CNTNAP2: variants seen among roughly 807,000 people sequenced by gnomAD.
CNTNAP2 encodes the protein contactin associated protein 2.
A neutral mutation model predicts 155.2 loss-of-function variants in CNTNAP2; 98 were observed. The observed-to-expected ratio is 0.63, with a 90% CI of 0.54 to 0.75. The LOEUF is 0.75. Ranked by LOEUF, CNTNAP2 falls within the 30% of genes least tolerant of loss-of-function variation. CNTNAP2 has a pLI of 0.00. For synonymous variants in CNTNAP2, 651 were observed against 631.2 expected, an observed-to-expected ratio of 1.03 and a Z score of -0.47; for missense variants, 1,727 against 1,688.1, an observed-to-expected ratio of 1.02 and a Z score of -0.40.
intron 13 of CNTNAP2, among the ~76,000 whole-genome samples, chr7:147,746,869 C>T (rs1797052391): frequency 6.6e-6 from 1 of 152,140 alleles, no homozygotes; most frequent in Non-Finnish European, 1.5e-5. Context: ...TCAAAGCCCA[C>T]ACTATTTTAT....
rs1212733302 is a variant in CNTNAP2 at position 146,754,810 on chromosome 7, T to A, written c.98-19461T>A. On this transcript the variant is annotated intron_variant, in intron 1 of 23. Coordinates refer to ENST00000361727, the MANE Select transcript of CNTNAP2 (RefSeq NM_014141.6). The stretch of plus-strand genomic sequence containing the variant: ...TTTTAGGTGATCTGTTTCTAAGAAG[T>A]GCAGTTTTCCGGAAACCACACACCG... 3.3e-5 allele frequency among the ~76,000 whole-genome samples: 5 copies of A among 152,062 alleles called. No individual in the cohort carries two copies. In the East Asian group the frequency reaches 7.7e-4, roughly 23 times the overall value.
chr7:146,885,558 T>A (rs1795638457), intron 3 of CNTNAP2, among the ~76,000 whole-genome samples: 1 of 152,132 alleles, frequency 6.6e-6, no homozygotes, highest in South Asian at 2.1e-4. Context: ...GCAAGAGCAA[T>A]ACATGATAAT....
chr7:147,803,241 C>G (rs922538738), intron 13 of CNTNAP2, among the ~76,000 whole-genome samples: 5 of 152,262 alleles, frequency 3.3e-5, no homozygotes, highest in Non-Finnish European at 7.4e-5. Context: ...CTTATGCCCC[C>G]CAAAATGTGA....
At chr7:148,089,555 C>T in intron 15 of CNTNAP2, among the ~76,000 whole-genome samples, 1 of 151,286 alleles carries the variant, frequency 6.6e-6, no homozygotes, top group South Asian at 2.1e-4. Context: ...ATTTACAATA[C>T]TAAAAAAGAA....
intron 1 of CNTNAP2, among the ~76,000 whole-genome samples, chr7:146,378,872 G>T (rs1397407742): frequency 6.6e-6 from 1 of 152,186 alleles, no homozygotes; most frequent in Non-Finnish European, 1.5e-5. Flanking sequence ...ATCATTTTAG[G>T]TCCCAAAGCT....
At chr7:147,327,298 G>A (rs978006307) in intron 9 of CNTNAP2, among the ~76,000 whole-genome samples, 1 of 152,164 alleles carries the variant, frequency 6.6e-6, no homozygotes, top group African/African-American at 2.4e-5. Context: ...CTCCAGTGAT[G>A]TGATTTGCTA....
Position 147,835,000 on chromosome 7 carries a change from T to C in CNTNAP2, c.2099-68565T>C, listed in dbSNP as rs573164390. ...TTCTAACCAACTCACGTTTCTTTAA[T>C]GACAAGTGCTAAATAAACTTCACCT... is the stretch of plus-strand genomic sequence containing the variant. On this transcript the variant is annotated intron_variant, in intron 13 of 23. Coordinates refer to ENST00000361727, the MANE Select transcript of CNTNAP2 (RefSeq NM_014141.6). Among the ~76,000 whole-genome samples, 144 of 152,310 alleles carry C rather than the reference T, an allele frequency of 9.5e-4. 3 individuals carry two copies. The South Asian group carries it at 0.02, about 21-fold the overall frequency.
intron 4 of CNTNAP2, among the ~76,000 whole-genome samples, chr7:147,086,418 AT>A (rs1800280178): frequency 6.6e-6 from 1 of 151,942 alleles, no homozygotes; most frequent in African/African-American, 2.4e-5. Context: ...TTTTCATAAA[AT>A]TTATTTTTAT....
At chr7:147,440,508 A>G (rs988062963) in intron 10 of CNTNAP2, among the ~76,000 whole-genome samples, 3 of 152,132 alleles carry the variant, frequency 2.0e-5, no homozygotes, top group Admixed American at 6.6e-5. Context: ...TAGTTTATAC[A>G]TCATGGTTAC....
At chr7:146,879,294 G>A (rs1795490968) in intron 3 of CNTNAP2, among the ~76,000 whole-genome samples, 1 of 151,920 alleles carries the variant, frequency 6.6e-6, no homozygotes, top group African/African-American at 2.4e-5. Context: ...AAACCATTCT[G>A]GATTTTTTAA....
chr7:146,247,860 A>G (rs1343243314), intron 1 of CNTNAP2, among the ~76,000 whole-genome samples: 1 of 152,160 alleles, frequency 6.6e-6, no homozygotes, highest in East Asian at 1.9e-4. Context: ...AGGCTAGCCC[A>G]GAGAAAAGAG....
At chr7:146,869,476 G>A (rs1290791512) in intron 3 of CNTNAP2, among the ~76,000 whole-genome samples, 1 of 152,066 alleles carries the variant, frequency 6.6e-6, no homozygotes, top group Non-Finnish European at 1.5e-5. Flanking sequence ...ATGTATATTT[G>A]AAAGGGAGTT....
At chr7:146,151,647 T>TAC (rs869292846) in intron 1 of CNTNAP2, among the ~76,000 whole-genome samples, 50 of 16,586 alleles carry the variant, frequency 3.0e-3, no homozygotes, top group Non-Finnish European at 4.5e-3. Flanking sequence ...TATATATATA[T>TAC]ATATATATAT....
At chr7:147,446,817 T>C (rs1036887555) in intron 10 of CNTNAP2, among the ~76,000 whole-genome samples, 1 of 152,210 alleles carries the variant, frequency 6.6e-6, no homozygotes, top group East Asian at 1.9e-4. Flanking sequence ...AAGATACATC[T>C]TATGCTTTCC....
intron 12 of CNTNAP2, among the ~76,000 whole-genome samples, chr7:147,608,106 T>C (rs933408667): frequency 1.3e-5 from 2 of 151,914 alleles, no homozygotes; most frequent in Non-Finnish European, 2.9e-5. Context: ...ATAAAGCACA[T>C]TGTTCAATAA....
intron 3 of CNTNAP2, among the ~76,000 whole-genome samples, chr7:146,987,329 G>A (rs1477592543): frequency 1.3e-5 from 2 of 151,968 alleles, no homozygotes; most frequent in Non-Finnish European, 2.9e-5. Context: ...TTATTATTAA[G>A]AAATTCATTA....
chr7:146,874,766 G>C (rs1052935840), intron 3 of CNTNAP2, among the ~76,000 whole-genome samples: 1 of 152,176 alleles, frequency 6.6e-6, no homozygotes, highest in Non-Finnish European at 1.5e-5. Flanking sequence ...CAATAAAATT[G>C]TATGATAACA....
At chr7:147,902,588 T>C (rs13240954) in intron 13 of CNTNAP2, among the ~76,000 whole-genome samples, 35,565 of 151,972 alleles carry the variant, frequency 0.23, 4,261 homozygotes, top group Middle Eastern at 0.3. Flanking sequence ...GTCCCCAAAG[T>C]CCTTGTATCA....
chr7:148,373,548 A>G (rs879521336), intron 21 of CNTNAP2, among the ~76,000 whole-genome samples: 4 of 152,218 alleles, frequency 2.6e-5, no homozygotes, highest in Admixed American at 2.6e-4. Context: ...TTTCAGCTCC[A>G]TTATAATCTC....
Sources: gnomAD v4.1 joint callset for allele counts (sites outside exome capture counted in the v4.1 genomes callset) on GRCh38, gnomAD v4.1.1 for gene constraint, MANE v1.5 for transcripts, NCBI Gene and HGNC (gene_info 2026-07-23, HGNC 2026-07-21) for gene names.